FRMD8: variants seen among roughly 807,000 people sequenced by gnomAD.
The protein encoded by FRMD8 is FERM domain-containing protein 8.
FRMD8 carries 37 observed loss-of-function variants against 54.2 expected under a neutral mutation model. That is an observed-to-expected ratio of 0.68 (90% CI 0.53 to 0.90). The LOEUF is 0.90. Ranked by LOEUF, FRMD8 falls within the 40% of genes least tolerant of loss-of-function variation. The pLI is 0.00. For missense variants in FRMD8, 585 were observed against 653.7 expected, an observed-to-expected ratio of 0.89 and a Z score of 1.15; for synonymous variants, 246 against 286.9, an observed-to-expected ratio of 0.86 and a Z score of 1.44.
intron 10 of FRMD8, 45 bp downstream of exon 10, chr11:65,405,113 C>T (rs763529182): frequency 7.6e-5 from 119 of 1,569,808 alleles, no homozygotes; most frequent in Non-Finnish European, 9.7e-5. Context: ...CACGCATGCG[C>T]GTGCACACAC....
At chr11:65,399,689 C>G (rs1856028123) in intron 7 of FRMD8, 47 bp from the exon 8 acceptor site, 1 of 1,604,718 alleles carries the variant, frequency 6.2e-7, no homozygotes, top group Non-Finnish European at 8.5e-7. Flanking sequence ...CAGCCTCCCT[C>G]AGCATTTCTG....
chr11:65,398,340 A>AC (rs1856000746), intron 7 of FRMD8, among the ~76,000 whole-genome samples: 2 of 152,194 alleles, frequency 1.3e-5, no homozygotes, highest in Non-Finnish European at 2.9e-5. Context: ...TACTTGTTAG[A>AC]CGCCCCACTG....
At chr11:65,379,911 G>A in the FRMD8 span, 171 of 1,614,100 alleles carry the variant, frequency 1.1e-4, no homozygotes, top group Admixed American at 2.0e-4. Flanking sequence ...ACGATGCCCC[G>A]GTAGGTGGTC....
intron 4 of FRMD8, 138 bp downstream of exon 4, chr11:65,393,812 A>G (rs1855889827): frequency 2.4e-6 from 2 of 828,688 alleles, no homozygotes; most frequent in Admixed American, 4.9e-5. Flanking sequence ...AGGCTCCGTC[A>G]GCCACCCCTG....
intron 9 of FRMD8, 144 bp downstream of exon 9, chr11:65,401,011 G>C: frequency 1.1e-6 from 1 of 909,884 alleles, no homozygotes; most frequent in Admixed American, 3.1e-5. Context: ...GGCACAAGGG[G>C]TGCCTTGAGT....
chr11:65,385,454 G>A (rs1341658188), upstream of FRMD8, among the ~76,000 whole-genome samples: 3 of 152,174 alleles, frequency 2.0e-5, no homozygotes, highest in Non-Finnish European at 4.4e-5. Context: ...AGGGAACCAG[G>A]GCAAAGTGAA....
chr11:65,396,813 C>T lies in FRMD8; in HGVS notation c.596C>T (p.Ser199Phe), dbSNP rs1855965503. 1.3e-6 allele frequency: 2 copies of T among 1,546,182 alleles called. No individual in the cohort carries two copies. The highest frequency in any genetic ancestry group is 1.7e-6 in the Non-Finnish European group (2 of 1,146,340). The part of the protein sequence containing the change: ...AACDLREKLD[S>F]FLPAHLCKRG... ...TTCCTCCACAGGGAGAAGCTGGACTCCTTCCTCCCTGCCCACCTCTGTAAG... is the reference window on the plus strand; with the variant it reads ...TTCCTCCACAGGGAGAAGCTGGACTTCTTCCTCCCTGCCCACCTCTGTAAG... The change falls in exon 7 of 11, where the codon TCC becomes TTC. Residue 199 changes from serine (S) to phenylalanine (F), a missense_variant. Transcript: ENST00000317568.
At chr11:65,397,639 CT>C (rs1257959589) in intron 7 of FRMD8, among the ~76,000 whole-genome samples, 3 of 152,224 alleles carry the variant, frequency 2.0e-5, no homozygotes, top group Non-Finnish European at 4.4e-5. Context: ...GCCTAAGCCC[CT>C]GGCAGATGGC....
intron 3 of FRMD8, among the ~76,000 whole-genome samples, chr11:65,390,131 G>T (rs1013917209): frequency 4.6e-5 from 7 of 152,120 alleles, no homozygotes; most frequent in African/African-American, 1.7e-4. Flanking sequence ...TTCTCTGGGA[G>T]GGGGGTCTTC....
chr11:65,394,495 G>A, intron 6 of FRMD8, 70 bp downstream of exon 6: 1 of 1,509,070 alleles, frequency 6.6e-7, no homozygotes. Context: ...GAACTTACAA[G>A]CAGTCTTCAG....
In FRMD8 at chr11:65,389,448, A is replaced by ACCGCGCTGT. The variant is rs1473961069; in HGVS notation, c.179_187dup (p.Ala60_Arg62dup). Reference sequence around the variant, plus strand: ...CCCTCGCTCAGTGCCCATGAGCTGCACCGCGCTGTCCGCGAGGTCCTGCAG... The same window carrying ACCGCGCTGT: ...CCCTCGCTCAGTGCCCATGAGCTGCACCGCGCTGTCCGCGCTGTCCGCGAGGTCCTGCAG... On this transcript the variant is annotated inframe_insertion, in exon 3 of 11. Coordinates refer to ENST00000317568, the MANE Select transcript of FRMD8 (RefSeq NM_031904.5). 1.2e-6 allele frequency: 2 copies of ACCGCGCTGT among 1,609,946 alleles called. No individual in the cohort carries two copies. The highest frequency in any genetic ancestry group is 1.7e-6 in the Non-Finnish European group (2 of 1,179,962).
Position 65,400,233 on chromosome 11 carries a change from C to A in FRMD8, c.927+374C>A, listed in dbSNP as rs1856043886. 6.6e-6 allele frequency among the ~76,000 whole-genome samples: 1 copy of A among 152,180 alleles called. No individual in the cohort carries two copies. The highest frequency in any genetic ancestry group is 2.4e-5 in the African/African-American group (1 of 41,428). On this transcript the variant is annotated intron_variant, in intron 8 of 10. Transcript: ENST00000317568. The surrounding 1 kb of genome is among the most constrained non-coding windows in gnomAD (Gnocchi z 4.3). ...CTTCTTTCTGCGTTTGGTGGCCAGC[C>A]CTGGGTAGAGAGCCGCGTCAGCAGC...
rs556246093 is a variant in FRMD8 at position 65,400,185 on chromosome 11, C to G, written c.927+326C>G. On this transcript the variant is annotated intron_variant, in intron 8 of 10. Transcript: ENST00000317568. This position sits in a 1 kb window ranked among gnomAD's most constrained non-coding sequence, Gnocchi z 4.3. ...GCTCCAGAAGACCCCGCGACGGGAG[C>G]CCTCTTGGGCTGACCGTGTCCTCTT... 6.6e-6 allele frequency among the ~76,000 whole-genome samples: 1 copy of G among 152,216 alleles called. No homozygotes were observed. The highest frequency in any genetic ancestry group is 2.1e-4 in the South Asian group (1 of 4,838).
rs994015070 is a variant in FRMD8, at chr11:65,413,304, TCTC to T, written c.*1945_*1947del. 3 of 152,248 alleles carry T rather than the reference TCTC, an allele frequency of 2.0e-5. No individual in the cohort carries two copies. The highest frequency in any genetic ancestry group is 7.2e-5 in the African/African-American group (3 of 41,454). 9.4% of individuals were successfully genotyped at this position (152,248 alleles called of 1,614,324 possible). Reference sequence around the variant, plus strand: ...CCCCAGCTGATTCCAGGCGAATTCTTCTCTGATGGGCGGGCGAGGGTGTGTTCG... The same window carrying T: ...CCCCAGCTGATTCCAGGCGAATTCTTTGATGGGCGGGCGAGGGTGTGTTCG... On this transcript the variant is annotated 3_prime_UTR_variant, in exon 11 of 11. Transcript: ENST00000317568.
At chr11:65,386,375 C>A (rs890962465), upstream of FRMD8, among the ~76,000 whole-genome samples, 7 of 152,230 alleles carry the variant, frequency 4.6e-5, no homozygotes, top group African/African-American at 1.7e-4. Flanking sequence ...GGCCAACGCC[C>A]CTAGCCTGAT....
At chr11:65,405,503 A>G (rs558436953) in intron 10 of FRMD8, among the ~76,000 whole-genome samples, 1 of 152,260 alleles carries the variant, frequency 6.6e-6, no homozygotes, top group East Asian at 1.9e-4. Flanking sequence ...GGCGCCTGTA[A>G]TCCCAGCTAC....
At chr11:65,380,089 C>T in the FRMD8 span, 52 of 1,599,988 alleles carry the variant, frequency 3.3e-5, no homozygotes, top group Non-Finnish European at 4.4e-5. Flanking sequence ...ACATTTGGGT[C>T]AGGTGAGATC....
the FRMD8 span, among the ~76,000 whole-genome samples, chr11:65,369,421 CAA>C: frequency 2.6e-4 from 33 of 124,930 alleles, no homozygotes; most frequent in African/African-American, 8.8e-4. Context: ...CCCATTTTTA[CAA>C]AAAAAAAAAA....
the FRMD8 span, chr11:65,379,484 A>G: frequency 6.8e-6 from 11 of 1,613,980 alleles, no homozygotes; most frequent in Admixed American, 1.8e-4. Context: ...GGGTGTTGCT[A>G]TAGACCCCAA....
Sources: gnomAD v4.1 joint callset for allele counts (sites outside exome capture counted in the v4.1 genomes callset) on GRCh38, gnomAD v4.1.1 for gene constraint, Gnocchi (gnomAD v3.1) non-coding constraint, MANE v1.5 for transcripts, NCBI Gene and HGNC (gene_info 2026-07-23, HGNC 2026-07-21) for gene names.